KHDRBS3: variants seen among roughly 807,000 people sequenced by gnomAD.
The protein encoded by KHDRBS3 is KH domain-containing, RNA-binding, signal transduction-associated protein 3.
KHDRBS3 carries 23 observed loss-of-function variants against 45.6 expected under a neutral mutation model. The observed-to-expected ratio is 0.50, with a 90% CI of 0.36 to 0.72. The LOEUF is 0.72. Among genes scored for constraint, KHDRBS3 ranks in the 30% least tolerant of loss-of-function variants. The pLI, the probability that KHDRBS3 is intolerant of heterozygous loss-of-function variation, is 0.00. For missense variants in KHDRBS3, 352 were observed against 424.8 expected (o/e 0.83, Z 1.51); for synonymous variants, 162 against 156.5 (o/e 1.04, Z -0.26).
chr8:135,539,819 T>C (rs1226823112), intron 2 of KHDRBS3: 1 of 152,212 alleles, frequency 6.6e-6, no homozygotes, highest in African/African-American at 2.4e-5. Context: ...ACAGTATTCA[T>C]TTATGTACTT....
Position 135,548,749 on chromosome 8 carries a change from T to A in KHDRBS3, c.325-5T>A, listed in dbSNP as rs1826436257. 1 of 1,502,806 alleles carries A rather than the reference T, an allele frequency of 6.7e-7. No individual in the cohort carries two copies. Among genetic ancestry groups the A allele is most frequent in the African/African-American group, 1.4e-5 (1 of 70,288 alleles). The allele number at this position is 1,502,806 out of a possible 1,614,324, so 93.1% of individuals were successfully genotyped here. On this transcript the variant is annotated splice_polypyrimidine_tract_variant and splice_region_variant and intron_variant, in intron 3 of 8. Coordinates refer to ENST00000355849, the MANE Select transcript of KHDRBS3 (RefSeq NM_006558.3). ...TAAATGTGATTTCTTTTTTCCTTTT[T>A]CCAGGAAGAAGAGTTGAGGAAAAGT...
intron 4 of KHDRBS3, among the ~76,000 whole-genome samples, chr8:135,554,379 A>G (rs1826772551): frequency 6.6e-6 from 1 of 152,172 alleles, no homozygotes; most frequent in South Asian, 2.1e-4. Context: ...TCAAATATTT[A>G]CCATTTATAT....
chr8:135,624,605 T>C (rs1830280368), intron 7 of KHDRBS3, among the ~76,000 whole-genome samples: 2 of 152,216 alleles, frequency 1.3e-5, no homozygotes, highest in South Asian at 4.1e-4. Context: ...AATGGCTTCA[T>C]AGGGCAACTT....
chr8:135,609,424 A>G (rs565265425), intron 7 of KHDRBS3, among the ~76,000 whole-genome samples: 12 of 151,772 alleles, frequency 7.9e-5, no homozygotes, highest in African/African-American at 2.9e-4. Flanking sequence ...CCTCCGGAGT[A>G]GCTGAGATTA....
chr8:135,513,230 C>T lies in KHDRBS3; in HGVS notation c.89-8007C>T, dbSNP rs75860041. ...AAAAAAGAAAAAAGCTGGACACAGACTTGCAATTTCTAGGTTGCTCAAGAG... is the reference window on the plus strand; with the variant it reads ...AAAAAAGAAAAAAGCTGGACACAGATTTGCAATTTCTAGGTTGCTCAAGAG... On this transcript the variant is annotated intron_variant, in intron 1 of 8. Transcript: ENST00000355849. Among the ~76,000 whole-genome samples the T allele has an allele frequency of 2.7e-3, 413 of 152,056 alleles. 3 individuals are homozygous for T. The highest frequency in any genetic ancestry group is 0.017 in the Middle Eastern group (5 of 294).
chr8:135,576,313 T>C (rs1005120335), intron 5 of KHDRBS3, among the ~76,000 whole-genome samples: 50 of 152,322 alleles, frequency 3.3e-4, no homozygotes, highest in African/African-American at 1.1e-3. Flanking sequence ...GATTAAGAAG[T>C]GGGGAATTAC....
chr8:135,531,776 G>A (rs1348089240), intron 2 of KHDRBS3, among the ~76,000 whole-genome samples: 1 of 152,054 alleles, frequency 6.6e-6, no homozygotes, highest in African/African-American at 2.4e-5. Flanking sequence ...AATAACTGTT[G>A]GGCTAGAATG....
At chr8:135,607,991 T>C (rs1266151795) in intron 7 of KHDRBS3, among the ~76,000 whole-genome samples, 2 of 152,214 alleles carry the variant, frequency 1.3e-5, no homozygotes, top group Non-Finnish European at 2.9e-5. Flanking sequence ...CAACTGGTCT[T>C]TGTTGGTGGA....
chr8:135,560,647 G>A (rs1005347317), intron 5 of KHDRBS3, among the ~76,000 whole-genome samples: 2 of 152,136 alleles, frequency 1.3e-5, no homozygotes, highest in African/African-American at 4.8e-5. Flanking sequence ...TTTGAATACA[G>A]TACCTGGACA....
chr8:135,603,926 T>A (rs1267213507), intron 6 of KHDRBS3, among the ~76,000 whole-genome samples: 2 of 132,294 alleles, frequency 1.5e-5, no homozygotes, highest in Non-Finnish European at 3.2e-5. Flanking sequence ...TGTAATTGAT[T>A]TGTATTGTTG....
chr8:135,613,727 G>A (rs1027969133), intron 7 of KHDRBS3, among the ~76,000 whole-genome samples: 1 of 151,652 alleles, frequency 6.6e-6, no homozygotes, highest in African/African-American at 2.4e-5. Context: ...GATGGTCAGT[G>A]TCAGTATTTC....
chr8:135,609,331 G>C (rs1282595655), intron 7 of KHDRBS3, among the ~76,000 whole-genome samples: 3 of 139,328 alleles, frequency 2.2e-5, no homozygotes, highest in Non-Finnish European at 4.6e-5. Context: ...TTTCCCCTCT[G>C]TCACCCAGGC....
intron 1 of KHDRBS3, among the ~76,000 whole-genome samples, chr8:135,496,141 A>G (rs1163860295): frequency 6.9e-6 from 1 of 145,658 alleles, no homozygotes; most frequent in African/African-American, 2.6e-5. Flanking sequence ...ATCTAGTATG[A>G]GAAAGCAGAA....
intron 2 of KHDRBS3, among the ~76,000 whole-genome samples, chr8:135,533,216 G>C (rs780491440): frequency 1.8e-4 from 28 of 152,108 alleles, no homozygotes; most frequent in Non-Finnish European, 3.4e-4. Flanking sequence ...AAATATTACT[G>C]CAAAAGACAC....
intron 1 of KHDRBS3, among the ~76,000 whole-genome samples, chr8:135,502,485 G>A (rs1339913911): frequency 1.3e-5 from 2 of 152,078 alleles, no homozygotes; most frequent in African/African-American, 4.8e-5. Flanking sequence ...ACCTAGAAGT[G>A]TTTGTCTTCT....
chr8:135,512,100 T>A (rs1276364424), intron 1 of KHDRBS3, among the ~76,000 whole-genome samples: 2 of 152,216 alleles, frequency 1.3e-5, no homozygotes, highest in Non-Finnish European at 2.9e-5. Flanking sequence ...GGTTTGAATG[T>A]AATGAGGATT....
intron 3 of KHDRBS3, among the ~76,000 whole-genome samples, chr8:135,544,153 G>C (rs992781572): frequency 1.3e-5 from 2 of 152,130 alleles, no homozygotes; most frequent in African/African-American, 4.8e-5. Flanking sequence ...AAGGCCATCT[G>C]GTAATGGGCT....
intron 2 of KHDRBS3, chr8:135,541,815 A>G (rs1198194968): frequency 6.6e-6 from 1 of 152,138 alleles, no homozygotes; most frequent in Non-Finnish European, 1.5e-5. Flanking sequence ...AGATGTATGT[A>G]TTGAGTGTCT....
At chr8:135,589,244 A>G (rs1360132660) in intron 6 of KHDRBS3, among the ~76,000 whole-genome samples, 2 of 152,156 alleles carry the variant, frequency 1.3e-5, no homozygotes, top group African/African-American at 4.8e-5. Context: ...CTTTCCTTAA[A>G]TAATGTATTC....
Sources: gnomAD v4.1 joint callset for allele counts (sites outside exome capture counted in the v4.1 genomes callset) on GRCh38, gnomAD v4.1.1 for gene constraint, MANE v1.5 for transcripts, NCBI Gene and HGNC (gene_info 2026-07-23, HGNC 2026-07-21) for gene names.